The following CRACR2A variants were observed in gnomAD, a reference collection of about 807,000 sequenced individuals.
CRACR2A encodes the protein EF-hand calcium-binding domain-containing protein 4B.
CRACR2A carries 79 observed loss-of-function variants against 90.5 expected under a neutral mutation model. That is an observed-to-expected ratio of 0.87 (90% CI 0.73 to 1.05). The LOEUF (loss-of-function observed/expected upper bound fraction) is 1.05, where lower values mean the gene tolerates loss of function less well. Ranked by LOEUF, CRACR2A falls within the 50% of genes least tolerant of loss-of-function variation. CRACR2A has a pLI of 0.00. For missense variants in CRACR2A, 823 were observed against 897.2 expected (o/e 0.92, Z 1.06); for synonymous variants, 338 against 356.7 (o/e 0.95, Z 0.59).
At chr12:3,676,099 ACCATCCAT>A (rs55661360) in intron 6 of CRACR2A, among the ~76,000 whole-genome samples, 11 of 150,874 alleles carry the variant, frequency 7.3e-5, no homozygotes, top group African/African-American at 1.5e-4. Flanking sequence ...ACTTATTTAG[ACCATCCAT>A]CCATCCATCC....
At chr12:3,654,521 G>T in intron 9 of CRACR2A, 122 bp from the exon 10 acceptor site, 2 of 916,696 alleles carry the variant, frequency 2.2e-6, no homozygotes, top group Non-Finnish European at 3.2e-6. Flanking sequence ...ACCCCTCACT[G>T]GCCTCAAGCC....
chr12:3,733,486 G>A (rs1354877626), intron 1 of CRACR2A, among the ~76,000 whole-genome samples: 1 of 152,182 alleles, frequency 6.6e-6, no homozygotes, highest in Non-Finnish European at 1.5e-5. Flanking sequence ...TAAGACGTGA[G>A]AGGAGCCCTG....
At chr12:3,627,767 C>G in intron 15 of CRACR2A, 61 bp from the exon 16 acceptor site, 2 of 1,475,508 alleles carry the variant, frequency 1.4e-6, no homozygotes, top group African/African-American at 2.8e-5. Flanking sequence ...ACTTCCAAAT[C>G]AGGAAACAAT....
At chr12:3,699,425 A>C (rs980728720) in intron 3 of CRACR2A, among the ~76,000 whole-genome samples, 1 of 152,208 alleles carries the variant, frequency 6.6e-6, no homozygotes, top group Non-Finnish European at 1.5e-5. Flanking sequence ...TGAGTCTCTG[A>C]GAGTCCCTAA....
chr12:3,639,934 C>T (rs886168105), intron 13 of CRACR2A, among the ~76,000 whole-genome samples: 1 of 152,160 alleles, frequency 6.6e-6, no homozygotes, highest in Non-Finnish European at 1.5e-5. Context: ...TTCCCATCTA[C>T]TTTTACTCTG....
intron 2 of CRACR2A, among the ~76,000 whole-genome samples, chr12:3,716,760 G>GT (rs1388745106): frequency 6.6e-6 from 1 of 152,056 alleles, no homozygotes; most frequent in African/African-American, 2.4e-5. Flanking sequence ...CAAATTTGTT[G>GT]TTTGTTTTTG....
intron 3 of CRACR2A, among the ~76,000 whole-genome samples, chr12:3,707,181 C>A (rs1274780257): frequency 6.6e-6 from 1 of 152,074 alleles, no homozygotes; most frequent in African/African-American, 2.4e-5. Context: ...CTTTGAAATG[C>A]GCAGTCTTTC....
rs75497162 is a variant in CRACR2A, at chr12:3,733,464, G to A, written c.-386-254C>T. 2.5e-3 allele frequency among the ~76,000 whole-genome samples: 380 copies of A among 152,188 alleles called. 2 individuals are homozygous for A. The highest frequency in any genetic ancestry group is 0.02 in the Middle Eastern group (6 of 294). On this transcript the variant is annotated intron_variant, in intron 1 of 19. Transcript: ENST00000440314. ...GGTAGGTTGGGGTGGACTCTACTCC[G>A]TCTCTGGTTGTTAAGACGTGAGAGG... is the stretch of plus-strand genomic sequence containing the variant.
intron 15 of CRACR2A, among the ~76,000 whole-genome samples, chr12:3,630,203 G>A (rs763005092): frequency 1.6e-4 from 25 of 152,200 alleles, no homozygotes; most frequent in Non-Finnish European, 2.1e-4. Context: ...ACATCGAGGT[G>A]ACCCTTGATT....
At chr12:3,697,631 G>C (rs190444679) in intron 3 of CRACR2A, among the ~76,000 whole-genome samples, 1 of 152,196 alleles carries the variant, frequency 6.6e-6, no homozygotes, top group East Asian at 1.9e-4. Context: ...AGGGTGGAAA[G>C]CTCTCCTCAG....
intron 2 of CRACR2A, among the ~76,000 whole-genome samples, chr12:3,720,460 A>AAGCAAGCAAGCAAGC (rs1565501233): frequency 6.8e-6 from 1 of 147,638 alleles, no homozygotes; most frequent in African/African-American, 2.7e-5. Flanking sequence ...AGAAAGAAAG[A>AAGCAAGCAAGCAAGC]AAGAAAGCAA....
intron 2 of CRACR2A, among the ~76,000 whole-genome samples, chr12:3,716,358 CCCA>C: frequency 6.6e-6 from 1 of 152,304 alleles, no homozygotes; most frequent in Non-Finnish European, 1.5e-5. Flanking sequence ...GGGTCTTGAT[CCCA>C]CTTGTTTGAA....
chr12:3,692,364 G>T (rs1270985784), intron 4 of CRACR2A, among the ~76,000 whole-genome samples: 1 of 152,070 alleles, frequency 6.6e-6, no homozygotes, highest in Non-Finnish European at 1.5e-5. Context: ...TATGAGGTGG[G>T]TTCAGCTGAC....
At chr12:3,649,785 A>G (rs564937198) in intron 10 of CRACR2A, among the ~76,000 whole-genome samples, 1 of 151,852 alleles carries the variant, frequency 6.6e-6, no homozygotes, top group African/African-American at 2.4e-5. Context: ...AGAGAGTAAA[A>G]GAGGTGAGGG....
At chr12:3,745,115 G>T (rs1016178558) in intron 1 of CRACR2A, among the ~76,000 whole-genome samples, 3 of 152,064 alleles carry the variant, frequency 2.0e-5, no homozygotes, top group African/African-American at 7.2e-5. Flanking sequence ...CATGCACCCA[G>T]ATGCCACACC....
chr12:3,633,397 G>A lies in CRACR2A; in HGVS notation c.1735+207C>T, dbSNP rs60324389. ...TCAGGGGTCCCATCACACACAGGAT[G>A]AGCTTAGCAGCTAGCAGCGTGAGGG... On this transcript the variant is annotated intron_variant, in intron 15 of 19. Transcript: ENST00000440314. This position sits in a 1 kb window ranked among gnomAD's most constrained non-coding sequence, Gnocchi z 4.5. Among the ~76,000 whole-genome samples the A allele has an allele frequency of 5.9e-3, 895 of 152,290 alleles. 8 individuals are homozygous for A. Among genetic ancestry groups the A allele is most frequent in the African/African-American group, 0.02 (833 of 41,558 alleles).
At position 3,746,209 on chromosome 12, in the gene CRACR2A, G is replaced by A. The variant is rs548897325; in HGVS notation, c.-387+6806C>T. On this transcript the variant is annotated intron_variant, in intron 1 of 19. Transcript: ENST00000440314. The surrounding 1 kb of genome is among the most constrained non-coding windows in gnomAD (Gnocchi z 4.4). Reference sequence around the variant, plus strand: ...GCTATGAGCTAAATTATGTCCCCCCGACAATTCATATGTTGAAGCCCTAAC... The same window carrying A: ...GCTATGAGCTAAATTATGTCCCCCCAACAATTCATATGTTGAAGCCCTAAC... Among the ~76,000 whole-genome samples the A allele has an allele frequency of 4.6e-5, 7 of 152,150 alleles. No individual in the cohort carries two copies. The highest frequency in any genetic ancestry group is 3.9e-4 in the East Asian group (2 of 5,168).
rs771480945 is a variant in CRACR2A, at chr12:3,679,139, C to T, written c.341-41G>A. 7.8e-6 allele frequency: 12 copies of T among 1,540,384 alleles called. No individual in the cohort carries two copies. The South Asian group carries it at 1.4e-4, about 18-fold the overall frequency. ...CACAAGGATCCGAATTAGACCATAC[C>T]CATCCAGGAAGAGCTCAGCTTTCTC... On this transcript the variant is annotated intron_variant, in intron 5 of 19. Transcript: ENST00000440314.
At chr12:3,744,517 G>A (rs980081070) in intron 1 of CRACR2A, among the ~76,000 whole-genome samples, 2 of 152,176 alleles carry the variant, frequency 1.3e-5, no homozygotes, top group Non-Finnish European at 2.9e-5. Context: ...ACTGCCTCGG[G>A]TATGTTACTT....
Sources: allele counts gnomAD v4.1 joint callset (sites outside exome capture counted in the v4.1 genomes callset), GRCh38; gene constraint gnomAD v4.1.1; non-coding constraint Gnocchi (gnomAD v3.1); transcripts MANE v1.5; gene names NCBI Gene and HGNC (gene_info 2026-07-23, HGNC 2026-07-21).